The following TEAD1 variants were observed in gnomAD, a reference collection of about 807,000 sequenced individuals.
TEAD1 encodes TEA domain transcription factor 1, also known as transcriptional enhancer factor TEF-1.
A neutral mutation model predicts 54.9 loss-of-function variants in TEAD1; 9 were observed. The observed-to-expected ratio is 0.16, with a 90% confidence interval of 0.10 to 0.29. The LOEUF (loss-of-function observed/expected upper bound fraction) is 0.29, where lower values mean the gene tolerates loss of function less well. Among genes scored for constraint, TEAD1 ranks in the 10% least tolerant of loss-of-function variants. The pLI, the probability that TEAD1 is intolerant of heterozygous loss-of-function variation, is 1.00. For missense variants in TEAD1, 387 were observed against 535.9 expected, an observed-to-expected ratio of 0.72 and a Z score of 2.74; for synonymous variants, 200 against 187.8, an observed-to-expected ratio of 1.07 and a Z score of -0.53.
rs114648839 is a variant in TEAD1, at chr11:12,902,140, G to T, written c.873+27G>T. On this transcript the variant is annotated intron_variant, in intron 10 of 12. Transcript: ENST00000527636. Reference sequence around the variant, plus strand: ...TGAGTAAGACATTGCTGTGATTTCCGTGGTTTTTGTCTGAATGGTCACATC... The same window carrying T: ...TGAGTAAGACATTGCTGTGATTTCCTTGGTTTTTGTCTGAATGGTCACATC... 1.9e-4 allele frequency: 304 copies of T among 1,613,738 alleles called. 1 individual carries two copies. The African/African-American group carries it at 3.5e-3, about 19-fold the overall frequency.
intron 9 of TEAD1, among the ~76,000 whole-genome samples, chr11:12,885,252 T>G (rs1052660826): frequency 1.4e-5 from 2 of 139,498 alleles, no homozygotes; most frequent in African/African-American, 5.8e-5. Flanking sequence ...TTTTTTTTTT[T>G]TGAGACAGCG....
intron 2 of TEAD1, among the ~76,000 whole-genome samples, chr11:12,681,243 A>AT (rs1403444163): frequency 5.3e-5 from 8 of 152,222 alleles, no homozygotes; most frequent in African/African-American, 1.9e-4. Flanking sequence ...GAGCCGAGAA[A>AT]TTCTCTTAAT....
At chr11:12,798,395 C>G (rs561416146) in intron 3 of TEAD1, among the ~76,000 whole-genome samples, 1 of 152,242 alleles carries the variant, frequency 6.6e-6, no homozygotes, top group South Asian at 2.1e-4. Context: ...TGATTTTTAA[C>G]GTATAATGTG....
At chr11:12,909,237 G>C (rs1418039181) in intron 10 of TEAD1, among the ~76,000 whole-genome samples, 1 of 152,040 alleles carries the variant, frequency 6.6e-6, no homozygotes, top group Admixed American at 6.5e-5. Context: ...ACATGGACTT[G>C]TTCCCATTTC....
chr11:12,862,627 C>T (rs919639750), intron 4 of TEAD1, among the ~76,000 whole-genome samples: 4 of 152,184 alleles, frequency 2.6e-5, no homozygotes, highest in African/African-American at 9.7e-5. Flanking sequence ...CCTGTGAACA[C>T]TGCAAAAACT....
At chr11:12,757,797 T>C (rs1479852483) in intron 2 of TEAD1, among the ~76,000 whole-genome samples, 1 of 152,230 alleles carries the variant, frequency 6.6e-6, no homozygotes, top group Non-Finnish European at 1.5e-5. Flanking sequence ...TTAATTTTTT[T>C]GAGACAGAGT....
At chr11:12,888,389 A>G (rs887728114) in intron 9 of TEAD1, among the ~76,000 whole-genome samples, 3 of 152,134 alleles carry the variant, frequency 2.0e-5, no homozygotes, top group African/African-American at 7.2e-5. Context: ...GGTACCTATA[A>G]TCTCAGCTAC....
In TEAD1 at chr11:12,840,246, C is replaced by CAAAAAAAAAAAAAAAA. The variant is rs1176865272; in HGVS notation, c.203-22003_203-21988dup. On this transcript the variant is annotated intron_variant, in intron 3 of 12. Coordinates refer to ENST00000527636, the MANE Select transcript of TEAD1 (RefSeq NM_021961.6). ...TGGGCGACAGAGCGAGACTCTGCCT[C>CAAAAAAAAAAAAAAAA]AAAAAAAAAAAAAAAAGAAAAAAAA... Among the ~76,000 whole-genome samples the CAAAAAAAAAAAAAAAA allele has an allele frequency of 2.3e-3, 72 of 31,526 alleles. 3 individuals carry two copies. The highest frequency in any genetic ancestry group is 0.019 in the Middle Eastern group (1 of 54). 20.7% of individuals were successfully genotyped at this position (31,526 alleles called of 152,430 possible).
intron 2 of TEAD1, among the ~76,000 whole-genome samples, chr11:12,736,516 G>A (rs1944535643): frequency 6.6e-6 from 1 of 152,150 alleles, no homozygotes; most frequent in Admixed American, 6.5e-5. Context: ...CTTTGAAGAT[G>A]CAATTTATTA....
chr11:12,872,571 A>T (rs928541741), intron 5 of TEAD1, among the ~76,000 whole-genome samples: 2 of 152,244 alleles, frequency 1.3e-5, no homozygotes, highest in East Asian at 1.9e-4. Flanking sequence ...CAGTGTGGTG[A>T]TGGAGAAATT....
chr11:12,710,677 G>A (rs1162621795), intron 2 of TEAD1, among the ~76,000 whole-genome samples: 1 of 152,200 alleles, frequency 6.6e-6, no homozygotes, highest in African/African-American at 2.4e-5. Context: ...CACTGGGACA[G>A]CAGTGAACAA....
intron 10 of TEAD1, among the ~76,000 whole-genome samples, chr11:12,924,193 C>T (rs565317224): frequency 2.6e-5 from 4 of 152,310 alleles, no homozygotes; most frequent in Admixed American, 2.6e-4. Context: ...CCAGCCTTCC[C>T]TGCATGTGCC....
intron 2 of TEAD1, among the ~76,000 whole-genome samples, chr11:12,740,111 T>C (rs976903558): frequency 6.6e-6 from 1 of 152,198 alleles, no homozygotes; most frequent in Non-Finnish European, 1.5e-5. Flanking sequence ...GGCAGTCTTA[T>C]GTGGTGGTTA....
chr11:12,869,941 G>A (rs1027108848), intron 5 of TEAD1, among the ~76,000 whole-genome samples: 6 of 151,806 alleles, frequency 4.0e-5, no homozygotes, highest in African/African-American at 7.3e-5. Flanking sequence ...GTGCAGTGGC[G>A]CCATCTCGGC....
At chr11:12,712,838 G>C (rs148140998) in intron 2 of TEAD1, among the ~76,000 whole-genome samples, 1 of 152,156 alleles carries the variant, frequency 6.6e-6, no homozygotes, top group Non-Finnish European at 1.5e-5. Flanking sequence ...CCTGTGGGAA[G>C]ACTTCATTAG....
chr11:12,827,225 C>G (rs1272105230), intron 3 of TEAD1, among the ~76,000 whole-genome samples: 3 of 152,198 alleles, frequency 2.0e-5, no homozygotes, highest in Non-Finnish European at 4.4e-5. Flanking sequence ...CATATCCTGA[C>G]TTTACTAGTC....
intron 3 of TEAD1, among the ~76,000 whole-genome samples, chr11:12,782,407 G>A (rs1392031760): frequency 6.6e-6 from 1 of 152,138 alleles, no homozygotes; most frequent in African/African-American, 2.4e-5. Context: ...TGAATCATAC[G>A]AAATGCCCGG....
intron 11 of TEAD1, among the ~76,000 whole-genome samples, chr11:12,925,487 G>A (rs970385971): frequency 1.4e-4 from 22 of 152,152 alleles, no homozygotes; most frequent in African/African-American, 5.3e-4. Flanking sequence ...TACGATTCGA[G>A]TTGAGATTTG....
intron 3 of TEAD1, among the ~76,000 whole-genome samples, chr11:12,791,919 C>T (rs1945810484): frequency 6.6e-6 from 1 of 152,076 alleles, no homozygotes; most frequent in South Asian, 2.1e-4. Context: ...TCTAAATGCA[C>T]CATAGTATAT....
Sources: allele counts gnomAD v4.1 joint callset (sites outside exome capture counted in the v4.1 genomes callset), GRCh38; gene constraint gnomAD v4.1.1; transcripts MANE v1.5; gene names NCBI Gene and HGNC (gene_info 2026-07-23, HGNC 2026-07-21).